The following MITF variants were observed in gnomAD, a reference collection of about 807,000 sequenced individuals.
MITF encodes the protein melanocyte inducing transcription factor, also known as microphthalmia-associated transcription factor.
In MITF, 17 loss-of-function variants were observed where a neutral mutation model predicts 60.5. That is an observed-to-expected ratio of 0.28 (90% CI 0.19 to 0.42). The LOEUF is 0.42. Among genes scored for constraint, MITF ranks in the 10% least tolerant of loss-of-function variants. The probability of loss-of-function intolerance (pLI) is 1.00; values close to 1 mark genes in which losing one functional copy is unlikely to be tolerated. For synonymous variants in MITF, 260 were observed against 248.5 expected, an observed-to-expected ratio of 1.05 and a Z score of -0.43; for missense variants, 622 against 683.5, an observed-to-expected ratio of 0.91 and a Z score of 1.00.
At chr3:69,797,236 CTT>C (rs2062845664) in intron 1 of MITF, among the ~76,000 whole-genome samples, 1 of 152,142 alleles carries the variant, frequency 6.6e-6, no homozygotes, top group Non-Finnish European at 1.5e-5. Context: ...AAATACCAAT[CTT>C]TGTGCTCAAG....
At chr3:69,814,621 C>T (rs1321859771) in intron 1 of MITF, among the ~76,000 whole-genome samples, 2 of 152,074 alleles carry the variant, frequency 1.3e-5, no homozygotes, top group African/African-American at 4.8e-5. Flanking sequence ...TGCCCGGCCC[C>T]ATTCTATCTT....
intron 1 of MITF, among the ~76,000 whole-genome samples, chr3:69,811,907 G>C (rs1404064222): frequency 6.6e-6 from 1 of 152,166 alleles, no homozygotes; most frequent in Non-Finnish European, 1.5e-5. Context: ...ACGGACAGGA[G>C]AGCTTTGTCC....
intron 2 of MITF, among the ~76,000 whole-genome samples, chr3:69,912,564 T>C (rs533380481): frequency 6.6e-6 from 1 of 152,330 alleles, no homozygotes; most frequent in East Asian, 1.9e-4. Flanking sequence ...CATAATCTTT[T>C]AGGACAGGAA....
intron 1 of MITF, among the ~76,000 whole-genome samples, chr3:69,826,510 G>A (rs1034404139): frequency 2.6e-5 from 4 of 152,324 alleles, no homozygotes; most frequent in Middle Eastern, 3.4e-3. Context: ...CATTTACAGT[G>A]AGGCTATGAA....
chr3:69,783,671 A>G (rs943226610), intron 1 of MITF, among the ~76,000 whole-genome samples: 1 of 152,164 alleles, frequency 6.6e-6, no homozygotes, highest in Admixed American at 6.5e-5. Flanking sequence ...AGGTTCTGAT[A>G]GAGGATGTTT....
At chr3:69,855,733 G>T (rs2063907603) in intron 1 of MITF, among the ~76,000 whole-genome samples, 1 of 152,108 alleles carries the variant, frequency 6.6e-6, no homozygotes, top group African/African-American at 2.4e-5. Context: ...AAAATGGACT[G>T]TAAGCTAAAT....
intron 1 of MITF, among the ~76,000 whole-genome samples, chr3:69,761,575 G>T (rs989825096): frequency 2.0e-5 from 3 of 152,170 alleles, no homozygotes; most frequent in African/African-American, 7.2e-5. Context: ...ATGGAAAGGA[G>T]ACTAGGTTTC....
intron 1 of MITF, among the ~76,000 whole-genome samples, chr3:69,791,298 T>A (rs1468577996): frequency 6.6e-6 from 1 of 152,226 alleles, no homozygotes; most frequent in Non-Finnish European, 1.5e-5. Flanking sequence ...AAGTCTGGGA[T>A]GAAAGAAAAC....
intron 2 of MITF, among the ~76,000 whole-genome samples, chr3:69,888,218 C>T (rs1009592992): frequency 6.6e-6 from 1 of 151,952 alleles, no homozygotes; most frequent in African/African-American, 2.4e-5. Flanking sequence ...TTGGAAGTGA[C>T]AAACCAGAGA....
intron 1 of MITF, among the ~76,000 whole-genome samples, chr3:69,765,978 G>A (rs1007959553): frequency 3.2e-4 from 48 of 152,214 alleles, no homozygotes; most frequent in South Asian, 1.2e-3. Context: ...AATAAAGAGC[G>A]GAAAGGAAAA....
At chr3:69,780,679 T>A (rs912378538) in intron 1 of MITF, among the ~76,000 whole-genome samples, 6 of 152,184 alleles carry the variant, frequency 3.9e-5, no homozygotes, top group Non-Finnish European at 8.8e-5. Context: ...CAGGACCTCT[T>A]GTGGCCTCTC....
At chr3:69,830,354 G>A (rs1274756102) in intron 1 of MITF, among the ~76,000 whole-genome samples, 1 of 152,078 alleles carries the variant, frequency 6.6e-6, no homozygotes, top group Non-Finnish European at 1.5e-5. Context: ...TGTACTTCCT[G>A]GAAAGCTCGG....
intron 5 of MITF, among the ~76,000 whole-genome samples, chr3:69,941,607 T>C (rs190329016): frequency 3.9e-5 from 6 of 152,152 alleles, no homozygotes. Flanking sequence ...TCCCTTGACA[T>C]CTAATGCCCA....
intron 1 of MITF, among the ~76,000 whole-genome samples, chr3:69,776,607 G>A (rs1427573115): frequency 6.6e-6 from 1 of 152,174 alleles, no homozygotes; most frequent in Non-Finnish European, 1.5e-5. Flanking sequence ...CGATGAAGAA[G>A]TCTGGGTCTT....
chr3:69,830,910 C>A (rs2063436545), intron 1 of MITF, among the ~76,000 whole-genome samples: 1 of 152,066 alleles, frequency 6.6e-6, no homozygotes, highest in Non-Finnish European at 1.5e-5. Context: ...TTCCCATTAT[C>A]CATTTTCATC....
intron 6 of MITF, among the ~76,000 whole-genome samples, chr3:69,949,884 T>G (rs1166119799): frequency 6.6e-6 from 1 of 152,158 alleles, no homozygotes; most frequent in African/African-American, 2.4e-5. Context: ...TATTATTTGA[T>G]CCTTGCATCC....
At chr3:69,804,173 AC>A (rs1463725845) in intron 1 of MITF, among the ~76,000 whole-genome samples, 3 of 152,246 alleles carry the variant, frequency 2.0e-5, no homozygotes, top group Admixed American at 6.5e-5. Flanking sequence ...TTTCTGAAGT[AC>A]TAAAAATACA....
In MITF at chr3:69,768,071, A is replaced by G. The variant is rs2062329430; in HGVS notation, c.104+28370A>G. 3.3e-5 allele frequency among the ~76,000 whole-genome samples: 5 copies of G among 152,334 alleles called. No homozygotes were observed. In the South Asian group the frequency reaches 1.0e-3, roughly 32 times the overall value. ...TACCAAGCACCTGGAAAATACAATC[A>G]TGTGTAAAGTAGACATGGTCTCTGC... On this transcript the variant is annotated intron_variant, in intron 1 of 9. Coordinates refer to ENST00000352241, the MANE Select transcript of MITF (RefSeq NM_001354604.2).
intron 1 of MITF, among the ~76,000 whole-genome samples, chr3:69,809,182 C>T (rs757695479): frequency 2.0e-5 from 3 of 152,052 alleles, no homozygotes; most frequent in Non-Finnish European, 4.4e-5. Flanking sequence ...TCTGGTCAGC[C>T]TGTTTTATAA....
Sources: gnomAD v4.1 joint callset for allele counts (sites outside exome capture counted in the v4.1 genomes callset) on GRCh38, gnomAD v4.1.1 for gene constraint, MANE v1.5 for transcripts, NCBI Gene and HGNC (gene_info 2026-07-23, HGNC 2026-07-21) for gene names.